Variants in PTPRQ observed in about 807,000 individuals in gnomAD.
PTPRQ encodes the protein protein tyrosine phosphatase receptor type Q, also known as phosphatidylinositol phosphatase PTPRQ.
PTPRQ carries 199 observed loss-of-function variants against 246.0 expected under a neutral mutation model. The ratio of observed to expected loss-of-function variants is 0.81; its 90% confidence interval spans 0.72 to 0.91. PTPRQ has a LOEUF of 0.91. Ranked by LOEUF, PTPRQ falls within the 40% of genes least tolerant of loss-of-function variation. The pLI is 0.00. For missense variants in PTPRQ, 2,624 were observed against 2,528.4 expected (o/e 1.04, Z -0.81); for synonymous variants, 869 against 853.2 (o/e 1.02, Z -0.32).
intron 25 of PTPRQ, among the ~76,000 whole-genome samples, chr12:80,563,302 T>C (rs1221403990): frequency 1.3e-5 from 2 of 152,098 alleles, no homozygotes; most frequent in African/African-American, 4.8e-5. Context: ...TGTCCTCATA[T>C]GGTGAAAGGG....
chr12:80,485,834 G>C (rs940254675), intron 9 of PTPRQ, among the ~76,000 whole-genome samples: 5 of 151,988 alleles, frequency 3.3e-5, no homozygotes, highest in African/African-American at 1.2e-4. Context: ...CTGTTGAATG[G>C]GTGGCCACAC....
chr12:80,520,351 A>T (rs1351375859), intron 17 of PTPRQ, among the ~76,000 whole-genome samples: 1 of 151,984 alleles, frequency 6.6e-6, no homozygotes, highest in Non-Finnish European at 1.5e-5. Flanking sequence ...ATCACATATT[A>T]CTTTTAATAC....
chr12:80,623,720 T>C (rs1313949002), intron 33 of PTPRQ, among the ~76,000 whole-genome samples: 2 of 152,158 alleles, frequency 1.3e-5, no homozygotes, highest in Non-Finnish European at 2.9e-5. Context: ...TTGTATGATG[T>C]TGTCTTTCAT....
chr12:80,678,805 G>A (rs1368783550), intron 44 of PTPRQ, 80 bp downstream of exon 44: 1 of 1,454,096 alleles, frequency 6.9e-7, no homozygotes, highest in African/African-American at 1.4e-5. Flanking sequence ...ATAACCATAT[G>A]TTAAAAATGT....
At chr12:80,597,728 A>G (rs752543690) in intron 26 of PTPRQ, among the ~76,000 whole-genome samples, 3 of 151,950 alleles carry the variant, frequency 2.0e-5, no homozygotes, top group Non-Finnish European at 4.4e-5. Flanking sequence ...AACTACAGTC[A>G]TTACAACCAC....
chr12:80,610,511 T>C lies in PTPRQ; in HGVS notation c.4804T>C (p.Leu1602=). The C allele has an allele frequency of 2.0e-6, 3 of 1,534,590 alleles. No individual in the cohort carries two copies. The highest frequency in any genetic ancestry group is 2.6e-6 in the Non-Finnish European group (3 of 1,137,206). ...EENKTIEIKD[L]EIFTRYSVVI... is the part of the protein sequence containing the mutation. ...AAATAAAACCATAGAAATTAAAGAT[T>C]TAGAAATATTCACAAGGTATTCTGT... Residue 1602 remains leucine, a synonymous_variant, in exon 28 of 45, where the codon TTA becomes CTA. Coordinates refer to ENST00000644991, the MANE Select transcript of PTPRQ (RefSeq NM_001145026.2).
intron 8 of PTPRQ, among the ~76,000 whole-genome samples, chr12:80,478,731 A>G (rs1365557745): frequency 2.0e-5 from 3 of 152,212 alleles, no homozygotes; most frequent in South Asian, 4.1e-4. Flanking sequence ...TGAAGAATGC[A>G]GAAGCCTCAG....
rs759779456 is a variant in PTPRQ at position 80,619,462 on chromosome 12, C to T, written c.5309C>T (p.Thr1770Ile). ...GKLLVTSTTI[T>I]IRMPICYYSD... ...CTGCTTGTGACTTCAACAACAATTA[C>T]AATCAGAATGCCAATATGTTACTAC... is the stretch of plus-strand genomic sequence containing the variant. Residue 1770 changes from threonine to isoleucine, a missense_variant, in exon 31 of 45, where the codon ACA becomes ATA. Thr to Ile is a moderately conservative substitution (Grantham distance 89). Coordinates refer to ENST00000644991, the MANE Select transcript of PTPRQ (RefSeq NM_001145026.2). The T allele has an allele frequency of 1.3e-6, 2 of 1,548,218 alleles. No individual in the cohort carries two copies. Among genetic ancestry groups the T allele is most frequent in the South Asian group, 1.2e-5 (1 of 83,876 alleles).
In PTPRQ at chr12:80,648,917, C is replaced by A; in HGVS notation, c.5936C>A (p.Ser1979Tyr). Residue 1979 changes from serine to tyrosine, a missense_variant, in exon 36 of 45, where the codon TCC becomes TAC. Transcript: ENST00000644991. Reference protein sequence around the residue: ...RLTRLLSYRKSIKPISKKSFL... With the variant: ...RLTRLLSYRKYIKPISKKSFL... ...TGCAGGTTACTTAGTTATAGAAAAT[C>A]CATCAAGTAAGTTTGTTAAATATTT... 6.6e-7 allele frequency: 1 copy of A among 1,520,652 alleles called. No individual in the cohort carries two copies. Among genetic ancestry groups the A allele is most frequent in the Non-Finnish European group, 8.8e-7 (1 of 1,133,404 alleles). The allele number at this position is 1,520,652 out of a possible 1,614,324, so 94.2% of individuals were successfully genotyped here. A position where few individuals can be genotyped will look rare whatever the true frequency, so the allele number is the denominator to read the frequency against.
intron 25 of PTPRQ, among the ~76,000 whole-genome samples, chr12:80,557,015 T>C (rs1417127732): frequency 1.3e-5 from 2 of 152,174 alleles, no homozygotes; most frequent in Non-Finnish European, 2.9e-5. Context: ...TTGTGCTAAA[T>C]TTAGAGAAGG....
chr12:80,665,630 A>G (rs1900761625), intron 39 of PTPRQ, among the ~76,000 whole-genome samples: 1 of 152,086 alleles, frequency 6.6e-6, no homozygotes, highest in African/African-American at 2.4e-5. Flanking sequence ...AATCATATGC[A>G]CACAAAGGAA....
At chr12:80,620,469 A>C in intron 32 of PTPRQ, 93 bp downstream of exon 32, 1 of 1,503,576 alleles carries the variant, frequency 6.7e-7, no homozygotes, top group Non-Finnish European at 8.9e-7. Context: ...CTTTCCAATA[A>C]GCACTGGATG....
intron 28 of PTPRQ, 142 bp downstream of exon 28, chr12:80,610,767 A>C (rs1898520256): frequency 6.2e-6 from 6 of 962,244 alleles, no homozygotes; most frequent in African/African-American, 1.7e-5. Context: ...GACTCTCTGC[A>C]ACTGACAAAA....
At position 80,474,052 on chromosome 12, in the gene PTPRQ, A is replaced by G. The variant is rs541968972; in HGVS notation, c.1186+1801A>G. Among the ~76,000 whole-genome samples, 11 of 152,330 alleles carry G rather than the reference A, an allele frequency of 7.2e-5. No homozygotes were observed. In the South Asian group the frequency reaches 8.3e-4, roughly 11 times the overall value. On this transcript the variant is annotated intron_variant, in intron 8 of 44. Coordinates refer to ENST00000644991, the MANE Select transcript of PTPRQ (RefSeq NM_001145026.2). Reference sequence around the variant, plus strand: ...TAGTTCAGCCACAGGAGCTGCCTCAATGGAATACTCTGGCAAATGCAGTAA... The same window carrying G: ...TAGTTCAGCCACAGGAGCTGCCTCAGTGGAATACTCTGGCAAATGCAGTAA...
chr12:80,450,782 G>T (rs1227946366), intron 3 of PTPRQ, among the ~76,000 whole-genome samples: 1 of 152,206 alleles, frequency 6.6e-6, no homozygotes, highest in Non-Finnish European at 1.5e-5. Context: ...CCATTTGCCA[G>T]TATTTTACTG....
chr12:80,473,049 A>ACG (rs1186136713), intron 8 of PTPRQ, among the ~76,000 whole-genome samples: 103 of 73,216 alleles, frequency 1.4e-3, no homozygotes, highest in African/African-American at 3.3e-3. Context: ...ACACACACGC[A>ACG]CACACACACA....
chr12:80,532,996 A>C (rs1895887961), intron 17 of PTPRQ, among the ~76,000 whole-genome samples: 1 of 152,200 alleles, frequency 6.6e-6, no homozygotes, highest in Non-Finnish European at 1.5e-5. Context: ...ATGGTAAAGA[A>C]AGAGCTTTTT....
chr12:80,525,177 G>A (rs143802044), intron 17 of PTPRQ, among the ~76,000 whole-genome samples: 13 of 152,248 alleles, frequency 8.5e-5, no homozygotes, highest in Non-Finnish European at 1.9e-4. Flanking sequence ...GCTTGTTCAG[G>A]GAGAAGTGAT....
intron 37 of PTPRQ, 115 bp downstream of exon 37, chr12:80,649,784 T>C: frequency 7.4e-7 from 1 of 1,353,006 alleles, no homozygotes; most frequent in Non-Finnish European, 9.7e-7. Flanking sequence ...TGATAATCAA[T>C]ACCCAATTAC....
Sources: allele counts gnomAD v4.1 joint callset (sites outside exome capture counted in the v4.1 genomes callset), GRCh38; gene constraint gnomAD v4.1.1; transcripts MANE v1.5; gene names NCBI Gene and HGNC (gene_info 2026-07-23, HGNC 2026-07-21).